The following PIBF1 variants were observed in gnomAD, a reference collection of about 807,000 sequenced individuals.
The protein encoded by PIBF1 is progesterone immunomodulatory binding factor 1.
Under a neutral mutation model 112.5 loss-of-function variants are expected in PIBF1, and 90 were observed. That is an observed-to-expected ratio of 0.80 (90% CI 0.67 to 0.95). The LOEUF is 0.95. Among genes scored for constraint, PIBF1 ranks in the 40% least tolerant of loss-of-function variants. The pLI is 0.00. For synonymous variants in PIBF1, 301 were observed against 288.6 expected (o/e 1.04, Z -0.44); for missense variants, 915 against 852.3 (o/e 1.07, Z -0.92).
At chr13:72,851,357 G>A (rs1288686177) in intron 9 of PIBF1, among the ~76,000 whole-genome samples, 6 of 152,250 alleles carry the variant, frequency 3.9e-5, no homozygotes. Context: ...CACCCACTCT[G>A]ATTTCAGAGC....
intron 14 of PIBF1, among the ~76,000 whole-genome samples, chr13:72,957,154 A>C (rs1240722453): frequency 6.6e-6 from 1 of 152,206 alleles, no homozygotes; most frequent in Admixed American, 6.5e-5. Context: ...CAGCAATCCC[A>C]CTACTGGGTA....
At chr13:72,861,018 A>G (rs1403971129) in intron 10 of PIBF1, among the ~76,000 whole-genome samples, 2 of 152,220 alleles carry the variant, frequency 1.3e-5, no homozygotes, top group African/African-American at 4.8e-5. Flanking sequence ...TAAATTGAAT[A>G]CACTGTTACA....
chr13:72,991,794 C>G (rs1181498109), intron 16 of PIBF1, among the ~76,000 whole-genome samples: 1 of 151,872 alleles, frequency 6.6e-6, no homozygotes, highest in African/African-American at 2.4e-5. Flanking sequence ...TCTCGGCTCA[C>G]TGCAACCTCC....
chr13:72,957,878 G>A (rs905367543), intron 14 of PIBF1, among the ~76,000 whole-genome samples: 1 of 152,016 alleles, frequency 6.6e-6, no homozygotes, highest in African/African-American at 2.4e-5. Context: ...CTTGAACCTG[G>A]GAGGCAGAGG....
chr13:72,784,233 T>C (rs1410286298), intron 2 of PIBF1, among the ~76,000 whole-genome samples: 1 of 150,500 alleles, frequency 6.6e-6, no homozygotes, highest in Non-Finnish European at 1.5e-5. Context: ...GGTCAGGAGT[T>C]TGAGACCAAC....
intron 17 of PIBF1, among the ~76,000 whole-genome samples, chr13:73,006,105 G>A (rs1379706861): frequency 6.6e-6 from 1 of 151,828 alleles, no homozygotes; most frequent in African/African-American, 2.4e-5. Flanking sequence ...TTTTAGTAAA[G>A]ACGGGGTTTC....
chr13:72,911,612 TA>T (rs2040897175), intron 12 of PIBF1, among the ~76,000 whole-genome samples: 1 of 152,080 alleles, frequency 6.6e-6, no homozygotes, highest in Non-Finnish European at 1.5e-5. Flanking sequence ...GAAAAACTGA[TA>T]AAGTAGATGT....
At chr13:73,008,656 A>G (rs563471339) in intron 17 of PIBF1, among the ~76,000 whole-genome samples, 1 of 152,304 alleles carries the variant, frequency 6.6e-6, no homozygotes, top group Non-Finnish European at 1.5e-5. Context: ...AATAAATTGA[A>G]TAAGATGTGA....
At chr13:72,835,143 T>C in intron 8 of PIBF1, 100 bp from the exon 9 acceptor site, 1 of 738,306 alleles carries the variant, frequency 1.4e-6, no homozygotes, top group Non-Finnish European at 2.0e-6. Context: ...ACACAGTTTA[T>C]AGAGCATACT....
rs370799081 is a variant in PIBF1 at position 72,809,839 on chromosome 13, C to T, written c.672+11813C>T. Among the ~76,000 whole-genome samples the T allele has an allele frequency of 1.3e-4, 20 of 152,014 alleles. 1 individual carries two copies. The East Asian group carries it at 2.5e-3, about 19-fold the overall frequency. ...CCTGACCTCAAGCGATCTGCCTGCCCTGGCCTCTCTAAGTGCTGGAATTAC... is the reference window on the plus strand; with the variant it reads ...CCTGACCTCAAGCGATCTGCCTGCCTTGGCCTCTCTAAGTGCTGGAATTAC... On this transcript the variant is annotated intron_variant, in intron 5 of 17. Coordinates refer to ENST00000326291, the MANE Select transcript of PIBF1 (RefSeq NM_006346.4).
intron 13 of PIBF1, among the ~76,000 whole-genome samples, chr13:72,920,448 C>G (rs2041248614): frequency 6.6e-6 from 1 of 152,198 alleles, no homozygotes; most frequent in South Asian, 2.1e-4. Context: ...CAAAATTGAT[C>G]AATGGCACTA....
chr13:72,904,416 A>G (rs1346901072), intron 11 of PIBF1, among the ~76,000 whole-genome samples: 1 of 100,912 alleles, frequency 9.9e-6, no homozygotes, highest in Non-Finnish European at 2.1e-5. Flanking sequence ...TCATTTATCC[A>G]AAATATCAAA....
At chr13:72,871,366 C>T (rs767086987) in intron 10 of PIBF1, among the ~76,000 whole-genome samples, 4 of 152,068 alleles carry the variant, frequency 2.6e-5, no homozygotes, top group African/African-American at 4.8e-5. Flanking sequence ...AGTGCAATGG[C>T]GCAATCTTGG....
chr13:72,820,064 C>T (rs893590248), intron 5 of PIBF1, among the ~76,000 whole-genome samples: 3 of 152,108 alleles, frequency 2.0e-5, no homozygotes, highest in African/African-American at 7.2e-5. Flanking sequence ...GAAGCCAAAG[C>T]AAAGAGGAAG....
rs2042106445 is a variant in PIBF1 at position 72,944,797 on chromosome 13, T to TA, written c.1833+13531dup. On this transcript the variant is annotated intron_variant, in intron 14 of 17. Transcript: ENST00000326291. ...GGTTGGTTTTTTTGAGATGGAGTCTTACTCTCTTGCCCAGGCTGGAGTGCA... is the reference window on the plus strand; with the variant it reads ...GGTTGGTTTTTTTGAGATGGAGTCTTAACTCTCTTGCCCAGGCTGGAGTGCA... Among the ~76,000 whole-genome samples the TA allele has an allele frequency of 2.6e-5, 4 of 152,122 alleles. No homozygotes were observed. In the South Asian group the frequency reaches 8.3e-4, roughly 32 times the overall value.
chr13:72,981,405 G>T (rs930927614), intron 16 of PIBF1, among the ~76,000 whole-genome samples: 1 of 152,038 alleles, frequency 6.6e-6, no homozygotes, highest in South Asian at 2.1e-4. Flanking sequence ...ATAATCAATT[G>T]AGCAAAAGTG....
At chr13:72,880,075 G>C (rs2039563847) in intron 10 of PIBF1, among the ~76,000 whole-genome samples, 2 of 152,122 alleles carry the variant, frequency 1.3e-5, no homozygotes, top group South Asian at 4.1e-4. Flanking sequence ...CTGTTTCTTG[G>C]AGATCATTCA....
chr13:72,793,664 A>G (rs1051321610), intron 3 of PIBF1, among the ~76,000 whole-genome samples: 4 of 152,216 alleles, frequency 2.6e-5, no homozygotes, highest in East Asian at 1.9e-4. Context: ...AACTCTTGAT[A>G]GCTGATGGTC....
chr13:72,847,603 A>G (rs995659177), intron 9 of PIBF1, among the ~76,000 whole-genome samples: 3 of 152,232 alleles, frequency 2.0e-5, no homozygotes, highest in African/African-American at 7.2e-5. Flanking sequence ...AAACTTTTAA[A>G]CCAAGGCACC....
Sources: gnomAD v4.1 joint callset for allele counts (sites outside exome capture counted in the v4.1 genomes callset) on GRCh38, gnomAD v4.1.1 for gene constraint, MANE v1.5 for transcripts, NCBI Gene and HGNC (gene_info 2026-07-23, HGNC 2026-07-21) for gene names.